Variants in ADAD1 observed in about 807,000 individuals in gnomAD.
The protein encoded by ADAD1 is adenosine deaminase domain-containing protein 1.
A neutral mutation model predicts 66.8 loss-of-function variants in ADAD1; 46 were observed. That is an observed-to-expected ratio of 0.69 (90% confidence interval 0.54 to 0.88). The LOEUF (loss-of-function observed/expected upper bound fraction) is 0.88. Ranked by LOEUF, ADAD1 falls within the 40% of genes least tolerant of loss-of-function variation. The probability of loss-of-function intolerance (pLI) is 0.00; values close to 1 mark genes in which losing one functional copy is unlikely to be tolerated. For missense variants in ADAD1, 617 were observed against 681.8 expected (o/e 0.91, Z 1.06); for synonymous variants, 248 against 229.4 (o/e 1.08, Z -0.73).
intron 12 of ADAD1, among the ~76,000 whole-genome samples, chr4:122,428,551 A>T (rs568359805): frequency 2.0e-5 from 3 of 152,242 alleles, no homozygotes; most frequent in Non-Finnish European, 4.4e-5. Context: ...CTACAATGGA[A>T]TATTATACCC....
At chr4:122,422,200 C>T (rs975068890) in intron 12 of ADAD1, among the ~76,000 whole-genome samples, 1 of 146,902 alleles carries the variant, frequency 6.8e-6, no homozygotes, top group Admixed American at 7.0e-5. Flanking sequence ...TCTCAGCTCA[C>T]TGCAACTTCT....
At chr4:122,380,531 G>A in intron 3 of ADAD1, 1 of 402,594 alleles carries the variant, frequency 2.5e-6, no homozygotes. Context: ...ACTTACACTG[G>A]TCTGTATTCC....
intron 4 of ADAD1, 73 bp downstream of exon 4, chr4:122,381,253 C>A: frequency 7.2e-7 from 1 of 1,391,026 alleles, no homozygotes; most frequent in South Asian, 1.6e-5. Flanking sequence ...AAGTTTAGTT[C>A]TTTCTTCTAA....
At chr4:122,382,336 T>A (rs888886547) in intron 4 of ADAD1, among the ~76,000 whole-genome samples, 1 of 152,366 alleles carries the variant, frequency 6.6e-6, no homozygotes, top group African/African-American at 2.4e-5. Context: ...CAGAATTTTT[T>A]AATAGCTCTA....
chr4:122,414,394 AT>A (rs74328308), intron 10 of ADAD1, among the ~76,000 whole-genome samples: 22 of 150,344 alleles, frequency 1.5e-4, no homozygotes, highest in East Asian at 1.4e-3. Flanking sequence ...TTCCTCACAC[AT>A]TTTTTTTCCA....
intron 2 of ADAD1, chr4:122,379,815 T>C: frequency 2.6e-6 from 1 of 390,926 alleles, no homozygotes; most frequent in South Asian, 6.1e-5. Context: ...TACAGGGACC[T>C]CTCTCTGTTC....
At chr4:122,396,422 TAG>T in intron 7 of ADAD1, 45 bp downstream of exon 7, 1 of 1,467,660 alleles carries the variant, frequency 6.8e-7, no homozygotes, top group Non-Finnish European at 9.1e-7. Flanking sequence ...AATAATCTAA[TAG>T]TAATATTTTA....
intron 5 of ADAD1, among the ~76,000 whole-genome samples, chr4:122,389,385 C>G (rs922520333): frequency 6.6e-6 from 1 of 152,134 alleles, no homozygotes; most frequent in African/African-American, 2.4e-5. Flanking sequence ...CCACTTGATC[C>G]AGAGCTGAGT....
intron 12 of ADAD1, among the ~76,000 whole-genome samples, chr4:122,422,588 A>G (rs982464002): frequency 1.3e-5 from 2 of 152,210 alleles, no homozygotes; most frequent in Admixed American, 6.5e-5. Flanking sequence ...AAGCCGTTAC[A>G]TTAATTACAG....
At chr4:122,383,176 T>A (rs1794985634) in intron 4 of ADAD1, among the ~76,000 whole-genome samples, 1 of 152,164 alleles carries the variant, frequency 6.6e-6, no homozygotes, top group African/African-American at 2.4e-5. Context: ...GACATTCAGT[T>A]TAATTCTTTA....
chr4:122,405,880 G>A (rs771021554), intron 7 of ADAD1, among the ~76,000 whole-genome samples: 3 of 152,034 alleles, frequency 2.0e-5, no homozygotes, highest in African/African-American at 7.2e-5. Context: ...TGTCTTCCAG[G>A]TTCATTCATA....
At chr4:122,423,666 C>T (rs1797109683) in intron 12 of ADAD1, among the ~76,000 whole-genome samples, 1 of 152,082 alleles carries the variant, frequency 6.6e-6, no homozygotes, top group African/African-American at 2.4e-5. Context: ...TATAAAACTA[C>T]AGTAATCAAG....
At chr4:122,409,466 A>C (rs893802032) in intron 8 of ADAD1, among the ~76,000 whole-genome samples, 1 of 152,180 alleles carries the variant, frequency 6.6e-6, no homozygotes, top group African/African-American at 2.4e-5. Flanking sequence ...CATACAGTGC[A>C]TAATAGTCAC....
rs543614973 is a variant in ADAD1, at chr4:122,427,437, A to G, written c.1618-2189A>G. On this transcript the variant is annotated intron_variant, in intron 12 of 12. Transcript: ENST00000296513. Reference sequence around the variant, plus strand: ...GTCACTTCTCTCCAAATTAATTTATAGTTTCAATGCAAAATTAAAGTTCCA... The same window carrying G: ...GTCACTTCTCTCCAAATTAATTTATGGTTTCAATGCAAAATTAAAGTTCCA... 1.6e-3 allele frequency among the ~76,000 whole-genome samples: 244 copies of G among 149,644 alleles called. 1 individual carries two copies. The highest frequency in any genetic ancestry group is 5.7e-3 in the African/African-American group (233 of 40,812).
intron 7 of ADAD1, among the ~76,000 whole-genome samples, chr4:122,407,685 A>G (rs1796278839): frequency 6.6e-6 from 1 of 152,236 alleles, no homozygotes; most frequent in African/African-American, 2.4e-5. Flanking sequence ...GAAGTATTAT[A>G]AAACATCTGC....
At chr4:122,407,312 A>AT (rs1290248341) in intron 7 of ADAD1, among the ~76,000 whole-genome samples, 1 of 152,194 alleles carries the variant, frequency 6.6e-6, no homozygotes, top group Non-Finnish European at 1.5e-5. Context: ...AGAGGAAAAA[A>AT]GACTGCCAAT....
At chr4:122,382,279 GTA>G (rs1794934846) in intron 4 of ADAD1, among the ~76,000 whole-genome samples, 3 of 152,164 alleles carry the variant, frequency 2.0e-5, no homozygotes, top group Admixed American at 2.0e-4. Context: ...TATGCTCAAA[GTA>G]TATAGTTCAA....
At chr4:122,385,003 C>T (rs75182866) in intron 5 of ADAD1, among the ~76,000 whole-genome samples, 99 of 152,250 alleles carry the variant, frequency 6.5e-4, no homozygotes, top group Middle Eastern at 6.8e-3. Context: ...ATAAGGTCAT[C>T]TTTTTCCCTA....
intron 12 of ADAD1, 41 bp downstream of exon 12, chr4:122,421,431 T>C: frequency 2.8e-6 from 4 of 1,444,306 alleles, no homozygotes; most frequent in Non-Finnish European, 3.7e-6. Flanking sequence ...GGAATAAAAT[T>C]TAAGACATTA....
Sources: gnomAD v4.1 joint callset for allele counts (sites outside exome capture counted in the v4.1 genomes callset) on GRCh38, gnomAD v4.1.1 for gene constraint, MANE v1.5 for transcripts, NCBI Gene and HGNC (gene_info 2026-07-23, HGNC 2026-07-21) for gene names.